GREB1L: variants seen among roughly 807,000 people sequenced by gnomAD.
GREB1L encodes GREB1 like retinoic acid receptor coactivator.
In GREB1L, 17 loss-of-function variants were observed where a neutral mutation model predicts 200.8. That is an observed-to-expected ratio of 0.08 (90% confidence interval 0.06 to 0.13). The LOEUF (loss-of-function observed/expected upper bound fraction) is 0.13. GREB1L is among the 10% of genes least tolerant of loss of function. The pLI is 1.00. For missense variants in GREB1L, 1,657 were observed against 2,367.7 expected (o/e 0.70, Z 6.23); for synonymous variants, 789 against 893.0 (o/e 0.88, Z 2.08).
intron 7 of GREB1L, among the ~76,000 whole-genome samples, chr18:21,410,447 A>G (rs2030830245): frequency 6.6e-6 from 1 of 151,930 alleles, no homozygotes; most frequent in Non-Finnish European, 1.5e-5. Flanking sequence ...CTTGAGCCCC[A>G]AAGTTCAAGA....
intron 7 of GREB1L, among the ~76,000 whole-genome samples, chr18:21,415,397 C>T (rs948464753): frequency 5.3e-5 from 8 of 152,026 alleles, no homozygotes; most frequent in Non-Finnish European, 1.2e-4. Context: ...GTGCCTGTAG[C>T]ACTGGCTACT....
At chr18:21,456,497 A>ACTTTT (rs2034770437) in intron 15 of GREB1L, among the ~76,000 whole-genome samples, 1 of 152,144 alleles carries the variant, frequency 6.6e-6, no homozygotes, top group Non-Finnish European at 1.5e-5. Flanking sequence ...GTTTTTAAAA[A>ACTTTT]GGCCTCTTGT....
At chr18:21,305,164 C>T (rs752633899) in intron 1 of GREB1L, among the ~76,000 whole-genome samples, 1 of 151,898 alleles carries the variant, frequency 6.6e-6, no homozygotes, top group Non-Finnish European at 1.5e-5. Flanking sequence ...TTAGTAGAGA[C>T]GGGGTTTCAC....
intron 1 of GREB1L, among the ~76,000 whole-genome samples, chr18:21,261,049 C>T (rs1374133333): frequency 2.6e-5 from 4 of 151,884 alleles, no homozygotes; most frequent in Non-Finnish European, 5.9e-5. Flanking sequence ...ATAGAGAAAT[C>T]AGGCTGTGGA....
intron 17 of GREB1L, among the ~76,000 whole-genome samples, chr18:21,480,504 A>T (rs2035874758): frequency 6.6e-6 from 1 of 152,206 alleles, no homozygotes; most frequent in Admixed American, 6.5e-5. Flanking sequence ...TCATCCCTGA[A>T]ATTGAGATCA....
At chr18:21,492,612 G>A (rs2036386511) in intron 19 of GREB1L, among the ~76,000 whole-genome samples, 1 of 152,142 alleles carries the variant, frequency 6.6e-6, no homozygotes, top group Non-Finnish European at 1.5e-5. Context: ...CCACAGTCAA[G>A]GCCTGAGGTT....
chr18:21,411,179 A>G (rs1402444667), intron 7 of GREB1L, among the ~76,000 whole-genome samples: 6 of 152,172 alleles, frequency 3.9e-5, no homozygotes, highest in African/African-American at 1.4e-4. Flanking sequence ...AGTGAATTTA[A>G]GAATGACAAA....
chr18:21,497,281 T>C (rs2036582091), intron 21 of GREB1L, among the ~76,000 whole-genome samples: 1 of 152,166 alleles, frequency 6.6e-6, no homozygotes, highest in Admixed American at 6.5e-5. Context: ...TTCTGATAAA[T>C]TGTATTATAG....
chr18:21,355,037 G>A (rs1334083850), intron 1 of GREB1L, among the ~76,000 whole-genome samples: 1 of 152,076 alleles, frequency 6.6e-6, no homozygotes, highest in African/African-American at 2.4e-5. Context: ...TTGGGAAGAG[G>A]CCTCAGTTCC....
chr18:21,383,708 C>CTT, intron 3 of GREB1L, 33 bp downstream of exon 3: 1 of 1,526,272 alleles, frequency 6.6e-7, no homozygotes, highest in Non-Finnish European at 8.8e-7. Context: ...TTTCTGGATT[C>CTT]TTTTTTTTTG....
Position 21,500,623 on chromosome 18 carries a change from TGAG to T in GREB1L, c.4060_4062del (p.Glu1354del). 1 of 1,547,612 alleles carries T rather than the reference TGAG, an allele frequency of 6.5e-7. No homozygotes were observed. The highest frequency in any genetic ancestry group is 8.7e-7 in the Non-Finnish European group (1 of 1,145,312). Reference sequence around the variant, plus strand: ...GGCTCCTGGAGGTGGACGTGTATGATGAGGAGGAGATCAACACCGGTGAGTGCT... The same window carrying T: ...GGCTCCTGGAGGTGGACGTGTATGATGAGGAGATCAACACCGGTGAGTGCT... On this transcript the variant is annotated inframe_deletion, in exon 23 of 33. Transcript: ENST00000424526.
At position 21,454,372 on chromosome 18, in the gene GREB1L, A is replaced by T. The variant is rs2034660071; in HGVS notation, c.1991A>T (p.Asp664Val). The change falls in exon 15 of 33, where the codon GAT (aspartate) becomes GTT (valine). Residue 664 changes from aspartate to valine, a missense_variant. Around this residue, in one of 9 missense-constraint regions of GREB1L, gnomAD observed 239 missense variants for 421.8 expected, o/e 0.57. Transcript: ENST00000424526. ...AMIPTQNLDL[D>V]NETFHIYQPQ... is the part of the protein sequence containing the mutation. ...ACTTCTCTTTAAATTTTAGATTTAG[A>T]TAATGAAACCTTCCACATTTATCAA... 6.5e-7 allele frequency: 1 copy of T among 1,549,074 alleles called. No individual in the cohort carries two copies.
At chr18:21,505,644 T>C in intron 24 of GREB1L, 77 bp downstream of exon 24, 1 of 1,485,562 alleles carries the variant, frequency 6.7e-7, no homozygotes, top group African/African-American at 1.4e-5. Context: ...ATCTCACTTT[T>C]CTTTCGCTCT....
Position 21,508,529 on chromosome 18 carries a change from G to A in GREB1L, c.4673G>A (p.Arg1558His), listed in dbSNP as rs1435669398. ...AAAGAGTATGAGATGCCTCTGTACC[G>A]CAAGTACTGGCCCAACCACATCATG... Reference protein sequence around the residue: ...VVKEYEMPLYRKYWPNHIMLV... With the variant: ...VVKEYEMPLYHKYWPNHIMLV... Residue 1558 changes from arginine to histidine, a missense_variant, in exon 27 of 33, where the codon CGC (arginine) becomes CAC (histidine). Around this residue, in one of 9 missense-constraint regions of GREB1L, gnomAD observed 151 missense variants for 309.6 expected, o/e 0.49. Coordinates refer to ENST00000424526, the MANE Select transcript of GREB1L (RefSeq NM_001142966.3). The A allele has an allele frequency of 5.2e-6, 8 of 1,551,676 alleles. No homozygotes were observed. Among genetic ancestry groups the A allele is most frequent in the Non-Finnish European group, 7.0e-6 (8 of 1,147,008 alleles).
intron 5 of GREB1L, among the ~76,000 whole-genome samples, chr18:21,399,881 G>A (rs991529513): frequency 2.0e-5 from 3 of 152,126 alleles, no homozygotes; most frequent in Admixed American, 6.5e-5. Context: ...AGCATTCTGA[G>A]ATTAGGATGT....
At chr18:21,265,330 A>G (rs942528020) in intron 1 of GREB1L, among the ~76,000 whole-genome samples, 3 of 152,162 alleles carry the variant, frequency 2.0e-5, no homozygotes, top group Non-Finnish European at 4.4e-5. Flanking sequence ...ATCTTATAGG[A>G]AAAAGGTATA....
rs148771860 is a variant in GREB1L, at chr18:21,273,597, T to C, written c.-120+31204T>C. Among the ~76,000 whole-genome samples the C allele has an allele frequency of 1.4e-4, 22 of 152,328 alleles. No homozygotes were observed. The East Asian group carries it at 3.7e-3, about 25-fold the overall frequency. On this transcript the variant is annotated intron_variant, in intron 1 of 32. Transcript: ENST00000424526. ...AATTAAATGATTTTATTCGTTGGGA[T>C]GAGGGCTAGAAAAGGTTAGACTAAC...
intron 1 of GREB1L, among the ~76,000 whole-genome samples, chr18:21,283,478 T>C (rs2038305010): frequency 6.6e-6 from 1 of 152,232 alleles, no homozygotes; most frequent in Admixed American, 6.5e-5. Context: ...AATAATTGTC[T>C]GTGTTGGGGT....
chr18:21,312,594 G>A (rs376364458), intron 1 of GREB1L, among the ~76,000 whole-genome samples: 3 of 150,768 alleles, frequency 2.0e-5, no homozygotes, highest in East Asian at 1.9e-4. Context: ...TCGCCCTGTC[G>A]CCAGGCTGGA....
Sources: allele counts gnomAD v4.1 joint callset (sites outside exome capture counted in the v4.1 genomes callset), GRCh38; gene constraint gnomAD v4.1.1; regional missense constraint gnomAD v4.1.1; transcripts MANE v1.5; gene names NCBI Gene and HGNC (gene_info 2026-07-23, HGNC 2026-07-21).